ANKRD42: variants seen among roughly 807,000 people sequenced by gnomAD.
ANKRD42 encodes ankyrin repeat domain 42.
Under a neutral mutation model 51.5 loss-of-function variants are expected in ANKRD42, and 43 were observed. That is an observed-to-expected ratio of 0.83 (90% CI 0.65 to 1.08). The LOEUF (loss-of-function observed/expected upper bound fraction) is 1.08, where lower values mean the gene tolerates loss of function less well. Among genes scored for constraint, ANKRD42 ranks in the 50% least tolerant of loss-of-function variants. The pLI is 0.00. For synonymous variants in ANKRD42, 203 were observed against 213.0 expected, an observed-to-expected ratio of 0.95 and a Z score of 0.41; for missense variants, 608 against 629.3, an observed-to-expected ratio of 0.97 and a Z score of 0.36.
At chr11:83,240,718 G>C (rs1278862441) in intron 8 of ANKRD42, 41 bp from the exon 9 acceptor site, 1 of 1,607,888 alleles carries the variant, frequency 6.2e-7, no homozygotes, top group East Asian at 2.2e-5. Context: ...TCAGTTTGAA[G>C]AAGATTGTGG....
At chr11:83,241,289 T>C (rs1168374127) in intron 9 of ANKRD42, among the ~76,000 whole-genome samples, 1 of 152,220 alleles carries the variant, frequency 6.6e-6, no homozygotes, top group African/African-American at 2.4e-5. Flanking sequence ...TATTGTCTAC[T>C]ATGTGCCAGA....
intron 2 of ANKRD42, among the ~76,000 whole-genome samples, chr11:83,205,735 C>T (rs956278537): frequency 3.9e-5 from 6 of 152,162 alleles, no homozygotes; most frequent in African/African-American, 7.2e-5. Context: ...TTGGCCTGCA[C>T]AGTATTGGTC....
chr11:83,257,793 A>C (rs989768273), downstream of ANKRD42, among the ~76,000 whole-genome samples: 1 of 152,228 alleles, frequency 6.6e-6, no homozygotes, highest in African/African-American at 2.4e-5. Flanking sequence ...CCAGTGAGGT[A>C]GAAAACACCA....
intron 9 of ANKRD42, among the ~76,000 whole-genome samples, chr11:83,245,153 C>A (rs1252846436): frequency 1.3e-5 from 2 of 152,174 alleles, no homozygotes; most frequent in Non-Finnish European, 2.9e-5. Flanking sequence ...ATCCACCCGC[C>A]TCGGCCTCCC....
rs199536360 is a variant in ANKRD42, at chr11:83,240,935, G to C, written c.1195+1G>C. On this transcript the variant is annotated splice_donor_variant, in intron 9 of 10. Coordinates refer to ENST00000533342, the MANE Select transcript of ANKRD42 (RefSeq NM_001300975.2). LOFTEE classifies it high-confidence loss of function. ...GACTTGGATAAAACAGATGCCAGAA[G>C]TAAGTATGCTGCCTCTGTTGTGATT... 1.7e-4 allele frequency: 274 copies of C among 1,609,736 alleles called. 2 individuals are homozygous for C. The highest frequency in any genetic ancestry group is 7.6e-6 in the Non-Finnish European group (9 of 1,177,772).
chr11:83,209,329 G>A, intron 3 of ANKRD42: 1 of 938,448 alleles, frequency 1.1e-6, no homozygotes, highest in Non-Finnish European at 1.7e-6. Context: ...AAAGTGGGTG[G>A]GAGTGCGTGC....
chr11:83,225,291 T>G (rs1172026378), intron 6 of ANKRD42, among the ~76,000 whole-genome samples: 1 of 152,174 alleles, frequency 6.6e-6, no homozygotes, highest in Non-Finnish European at 1.5e-5. Context: ...TAGAGGTTGG[T>G]TGCAGTGGCA....
chr11:83,243,998 T>TTTTTTTTTG, intron 9 of ANKRD42, among the ~76,000 whole-genome samples: 2 of 88,614 alleles, frequency 2.3e-5, no homozygotes, highest in African/African-American at 4.5e-5. Context: ...TTTTTTTTTA[T>TTTTTTTTTG]TGAGACAAAG....
chr11:83,203,647 C>T (rs967329845), intron 2 of ANKRD42, among the ~76,000 whole-genome samples: 1 of 152,098 alleles, frequency 6.6e-6, no homozygotes, highest in Non-Finnish European at 1.5e-5. Context: ...CTGCCTTGGT[C>T]TCCCAAAATG....
intron 11 of ANKRD42, among the ~76,000 whole-genome samples, chr11:83,254,292 ACT>A: frequency 6.6e-6 from 1 of 151,556 alleles, no homozygotes; most frequent in Non-Finnish European, 1.5e-5. Context: ...GGAAGTCATA[ACT>A]CTATTAAAGC....
chr11:83,211,955 A>G (rs633622), intron 5 of ANKRD42, among the ~76,000 whole-genome samples: 1 of 152,188 alleles, frequency 6.6e-6, no homozygotes, highest in Non-Finnish European at 1.5e-5. Flanking sequence ...CCATATCAGC[A>G]AAAGAGAAAT....
At position 83,193,797 on chromosome 11, in the gene ANKRD42, A is replaced by G. The variant is rs1166082415; in HGVS notation, c.-874A>G. 4.4e-6 allele frequency: 2 copies of G among 454,098 alleles called. No individual in the cohort carries two copies. Among genetic ancestry groups the G allele is most frequent in the Non-Finnish European group, 8.9e-6 (2 of 225,854 alleles). 28.1% of individuals were successfully genotyped at this position (454,098 alleles called of 1,614,324 possible). On this transcript the variant is annotated 5_prime_UTR_variant, in exon 1 of 11. Coordinates refer to ENST00000533342, the MANE Select transcript of ANKRD42 (RefSeq NM_001300975.2). ...TGGAAAGAGACTCCGAGAAAGTACC[A>G]GCGGAAGGCGGCCGCCGCTACGGCG...
chr11:83,198,448 G>A (rs776446935), intron 1 of ANKRD42, 31 bp from the exon 2 acceptor site: 6 of 1,583,792 alleles, frequency 3.8e-6, no homozygotes, highest in Admixed American at 3.5e-5. Flanking sequence ...TAGTTTTGTA[G>A]TACATTGTAA....
At chr11:83,244,928 G>A (rs1315982007) in intron 9 of ANKRD42, among the ~76,000 whole-genome samples, 2 of 150,810 alleles carry the variant, frequency 1.3e-5, no homozygotes, top group East Asian at 1.9e-4. Flanking sequence ...TTTTTGAGAC[G>A]GAGTCTTGCT....
chr11:83,196,176 C>T (rs1383795975), intron 1 of ANKRD42, among the ~76,000 whole-genome samples: 1 of 152,102 alleles, frequency 6.6e-6, no homozygotes, highest in Admixed American at 6.6e-5. Flanking sequence ...CTTTTTGCTC[C>T]CCATTCAGTA....
intron 2 of ANKRD42, among the ~76,000 whole-genome samples, chr11:83,200,231 T>G (rs1259462898): frequency 6.6e-6 from 1 of 152,182 alleles, no homozygotes; most frequent in Admixed American, 6.5e-5. Flanking sequence ...TCAGTCTACT[T>G]TGGTTAACTC....
intron 7 of ANKRD42, among the ~76,000 whole-genome samples, chr11:83,228,954 T>G (rs12281428): frequency 0.28 from 7,665 of 27,864 alleles, 642 homozygotes; most frequent in African/African-American, 0.51. Context: ...TTTTTTTTTG[T>G]TTTTTTTTTA....
intron 1 of ANKRD42, among the ~76,000 whole-genome samples, chr11:83,196,586 G>A (rs1490597396): frequency 6.6e-6 from 1 of 152,172 alleles, no homozygotes; most frequent in African/African-American, 2.4e-5. Flanking sequence ...CCCTGGCTGA[G>A]TTTGAAGTCA....
exon 12 of ANKRD42, chr11:83,256,049 T>C: frequency 2.9e-6 from 2 of 690,610 alleles, no homozygotes; most frequent in South Asian, 4.8e-5. Context: ...TCTGTTCCAA[T>C]TCTGATGGCA....
Sources: allele counts gnomAD v4.1 joint callset (sites outside exome capture counted in the v4.1 genomes callset), GRCh38; gene constraint gnomAD v4.1.1; transcripts MANE v1.5; gene names NCBI Gene and HGNC (gene_info 2026-07-23, HGNC 2026-07-21).